LMBR1: variants seen among roughly 807,000 people sequenced by gnomAD.
LMBR1 encodes the protein limb region 1 protein homolog.
LMBR1 carries 52 observed loss-of-function variants against 73.9 expected under a neutral mutation model. The ratio of observed to expected loss-of-function variants is 0.70; its 90% CI spans 0.56 to 0.89. The LOEUF (loss-of-function observed/expected upper bound fraction) is 0.89. Ranked by LOEUF, LMBR1 falls within the 40% of genes least tolerant of loss-of-function variation. LMBR1 has a pLI of 0.00. For synonymous variants in LMBR1, 215 were observed against 209.4 expected (o/e 1.03, Z -0.23); for missense variants, 539 against 579.8 (o/e 0.93, Z 0.72).
At chr7:156,874,187 A>T (rs939557402) in intron 1 of LMBR1, among the ~76,000 whole-genome samples, 7 of 152,246 alleles carry the variant, frequency 4.6e-5, no homozygotes, top group East Asian at 1.9e-4. Context: ...AATTGAGCAC[A>T]GCGCCAGTGG....
At chr7:156,702,188 G>A (rs979351657) in intron 15 of LMBR1, among the ~76,000 whole-genome samples, 2 of 152,098 alleles carry the variant, frequency 1.3e-5, no homozygotes, top group Non-Finnish European at 2.9e-5. Context: ...TAGGTCTTTG[G>A]GGAATCGCCA....
intron 16 of LMBR1, among the ~76,000 whole-genome samples, chr7:156,687,620 T>C (rs1210173169): frequency 1.3e-5 from 2 of 152,218 alleles, no homozygotes; most frequent in African/African-American, 4.8e-5. Flanking sequence ...GTTAGCCTAA[T>C]ACTTGCAAAA....
At position 156,806,157 on chromosome 7, in the gene LMBR1, C is replaced by CT. The variant is rs764669584; in HGVS notation, c.320-9666dup. On this transcript the variant is annotated intron_variant, in intron 4 of 16. Transcript: ENST00000353442. ...ATCTGTCTCCACTTATTGTGGTACT[C>CT]TTTAATTTCTCTCAACAATGTCTTA... Among the ~76,000 whole-genome samples the CT allele has an allele frequency of 2.8e-5, 4 of 144,532 alleles. No homozygotes were observed. In the East Asian group the frequency reaches 8.5e-4, roughly 31 times the overall value. The allele number at this position is 144,532 out of a possible 152,430, so 94.8% of individuals were successfully genotyped here.
At chr7:156,725,737 C>A in intron 13 of LMBR1, 27 bp downstream of exon 13, 1 of 1,601,640 alleles carries the variant, frequency 6.2e-7, no homozygotes, top group African/African-American at 1.3e-5. Context: ...TGTGGATAGG[C>A]TGAACGTTCA....
chr7:156,671,370 T>C (rs1012045003), intron 4 of LMBR1, among the ~76,000 whole-genome samples: 1 of 152,182 alleles, frequency 6.6e-6, no homozygotes, highest in African/African-American at 2.4e-5. Flanking sequence ...TACTATAATA[T>C]ACACATAAGC....
At chr7:156,888,667 C>T (rs1008659849) in intron 1 of LMBR1, among the ~76,000 whole-genome samples, 8 of 152,182 alleles carry the variant, frequency 5.3e-5, no homozygotes, top group Non-Finnish European at 8.8e-5. Context: ...CCTGTAATCC[C>T]AGCACTTTGG....
Position 156,688,083 on chromosome 7 carries a change from C to T in LMBR1, c.1334G>A (p.Cys445Tyr). The change falls in exon 16 of 17, where the codon TGT (cysteine) becomes TAT (tyrosine). Residue 445 changes from cysteine to tyrosine, a missense_variant. This residue lies in a region of LMBR1 where 69 missense variants were observed against 68.5 expected (regional missense o/e 1.01). Coordinates refer to ENST00000353442, the MANE Select transcript of LMBR1 (RefSeq NM_022458.4). ...TGCAGAGGTGAATTTTCGGACCAGA[C>T]ACAATGTTGTCACAATAGCAAAAAG... ...NLLFAIVTTLCLVRKFTSAVR... is the reference protein window; with the variant it reads ...NLLFAIVTTLYLVRKFTSAVR... 6.2e-7 allele frequency: 1 copy of T among 1,612,466 alleles called. No individual in the cohort carries two copies. The highest frequency in any genetic ancestry group is 1.1e-5 in the South Asian group (1 of 90,654).
At chr7:156,798,369 G>C (rs1020583043) in intron 4 of LMBR1, among the ~76,000 whole-genome samples, 1 of 152,272 alleles carries the variant, frequency 6.6e-6, no homozygotes, top group South Asian at 2.1e-4. Context: ...AGGCTCGCTT[G>C]CTAGTTTTCC....
At chr7:156,696,201 T>C (rs1563152613) in intron 15 of LMBR1, among the ~76,000 whole-genome samples, 1 of 152,144 alleles carries the variant, frequency 6.6e-6, no homozygotes, top group Non-Finnish European at 1.5e-5. Flanking sequence ...TAAAAGAAAA[T>C]TTAATAAATT....
intron 1 of LMBR1, among the ~76,000 whole-genome samples, chr7:156,852,777 T>C (rs574209585): frequency 1.3e-5 from 2 of 152,180 alleles, no homozygotes; most frequent in South Asian, 2.1e-4. Flanking sequence ...TAAAATCCCA[T>C]GATGCACAGA....
At chr7:156,814,425 G>A (rs1339453392) in intron 4 of LMBR1, among the ~76,000 whole-genome samples, 2 of 152,170 alleles carry the variant, frequency 1.3e-5, no homozygotes, top group East Asian at 3.8e-4. Context: ...AAACATGTCT[G>A]CATTTGTTTT....
downstream of LMBR1, chr7:156,675,619 G>A: frequency 8.1e-7 from 1 of 1,237,206 alleles, no homozygotes; most frequent in Non-Finnish European, 1.2e-6. Context: ...CAAAATAGAT[G>A]GTCAGGCTCG....
At chr7:156,751,770 G>C (rs1400508239) in intron 9 of LMBR1, among the ~76,000 whole-genome samples, 2 of 152,294 alleles carry the variant, frequency 1.3e-5, no homozygotes, top group Non-Finnish European at 1.5e-5. Flanking sequence ...AGAATGATTT[G>C]TCACCTGTAG....
chr7:156,817,986 A>G (rs1008892672), intron 4 of LMBR1, among the ~76,000 whole-genome samples: 36 of 152,322 alleles, frequency 2.4e-4, no homozygotes, highest in African/African-American at 8.7e-4. Context: ...TCTATTTGTA[A>G]TGTTATAAAC....
intron 1 of LMBR1, among the ~76,000 whole-genome samples, chr7:156,868,113 A>G (rs1798730964): frequency 6.6e-6 from 1 of 152,170 alleles, no homozygotes; most frequent in East Asian, 1.9e-4. Context: ...GTCCAAATGA[A>G]AAAGGGAAAA....
At chr7:156,885,326 C>G (rs1442859570) in intron 1 of LMBR1, among the ~76,000 whole-genome samples, 4 of 151,430 alleles carry the variant, frequency 2.6e-5, no homozygotes, top group Non-Finnish European at 5.9e-5. Flanking sequence ...GCATTCCAGC[C>G]TCGGTGACAG....
chr7:156,809,630 A>G (rs746498881), intron 4 of LMBR1, among the ~76,000 whole-genome samples: 2 of 152,200 alleles, frequency 1.3e-5, no homozygotes, highest in Non-Finnish European at 2.9e-5. Flanking sequence ...AATATTTGTG[A>G]TCCGTGGTTG....
chr7:156,687,757 C>T (rs1806278472), intron 16 of LMBR1, among the ~76,000 whole-genome samples: 1 of 152,144 alleles, frequency 6.6e-6, no homozygotes, highest in South Asian at 2.1e-4. Flanking sequence ...TTACTGAGTT[C>T]TTAGGATGTG....
intron 15 of LMBR1, among the ~76,000 whole-genome samples, chr7:156,712,476 T>C (rs889438943): frequency 1.3e-5 from 2 of 152,034 alleles, no homozygotes; most frequent in African/African-American, 4.8e-5. Context: ...GAACTGAAAA[T>C]AGAACTACCA....
Sources: allele counts gnomAD v4.1 joint callset (sites outside exome capture counted in the v4.1 genomes callset), GRCh38; gene constraint gnomAD v4.1.1; regional missense constraint gnomAD v4.1.1; transcripts MANE v1.5; gene names NCBI Gene and HGNC (gene_info 2026-07-23, HGNC 2026-07-21).